LRRFIP2: variants seen among roughly 807,000 people sequenced by gnomAD.
LRRFIP2 encodes the protein LRR binding FLII interacting protein 2.
LRRFIP2 carries 109 observed loss-of-function variants against 125.9 expected under a neutral mutation model. The observed-to-expected ratio is 0.87, with a 90% CI of 0.74 to 1.01. The LOEUF (loss-of-function observed/expected upper bound fraction) is 1.01, where lower values mean the gene tolerates loss of function less well. LRRFIP2 is among the 50% of genes least tolerant of loss of function. LRRFIP2 has a pLI of 0.00. For synonymous variants in LRRFIP2, 291 were observed against 293.1 expected, an observed-to-expected ratio of 0.99 and a Z score of 0.07; for missense variants, 850 against 862.3, an observed-to-expected ratio of 0.99 and a Z score of 0.18.
intron 1 of LRRFIP2, among the ~76,000 whole-genome samples, chr3:37,162,968 C>T (rs761857934): frequency 5.9e-5 from 9 of 152,194 alleles, no homozygotes; most frequent in African/African-American, 1.9e-4. Flanking sequence ...AGAGCTAAAG[C>T]GTGATAAGCT....
chr3:37,093,642 G>A (rs192496374), intron 17 of LRRFIP2, among the ~76,000 whole-genome samples: 77 of 152,232 alleles, frequency 5.1e-4, no homozygotes, highest in African/African-American at 1.8e-3. Flanking sequence ...TCCTCTGACT[G>A]TGATCAAAGT....
At chr3:37,102,785 A>G (rs2094132226) in intron 15 of LRRFIP2, 139 bp downstream of exon 15, 4 of 585,942 alleles carry the variant, frequency 6.8e-6, no homozygotes, top group Non-Finnish European at 2.9e-6. Context: ...TACAAGTGTG[A>G]GCCACCATGC....
At chr3:37,087,055 T>C (rs2093102308) in intron 18 of LRRFIP2, among the ~76,000 whole-genome samples, 1 of 152,066 alleles carries the variant, frequency 6.6e-6, no homozygotes. Context: ...GGTTTCACCA[T>C]GTTGCCCGGG....
intron 8 of LRRFIP2, 42 bp from the exon 9 acceptor site, chr3:37,111,107 G>T: frequency 1.3e-6 from 2 of 1,526,024 alleles, no homozygotes; most frequent in Non-Finnish European, 1.8e-6. Context: ...TAGGCTAAAT[G>T]TTAATAACCT....
At chr3:37,089,487 C>G (rs1205209183) in intron 18 of LRRFIP2, among the ~76,000 whole-genome samples, 1 of 152,158 alleles carries the variant, frequency 6.6e-6, no homozygotes, top group East Asian at 1.9e-4. Flanking sequence ...ATCATACCAC[C>G]ATGCTTGGTC....
At position 37,157,727 on chromosome 3, in the gene LRRFIP2, A is replaced by T. The variant is rs578063720; in HGVS notation, c.-55-8689T>A. 1.3e-5 allele frequency among the ~76,000 whole-genome samples: 2 copies of T among 152,320 alleles called. 1 individual carries two copies. Among genetic ancestry groups the T allele is most frequent in the South Asian group, 4.1e-4 (2 of 4,834 alleles). On this transcript the variant is annotated intron_variant, in intron 1 of 27. Transcript: ENST00000336686. ...AGTACAAAATGAAAAAAATATATACAGGCAAAACTGGAGAACTTGGCAAAA... is the reference window on the plus strand; with the variant it reads ...AGTACAAAATGAAAAAAATATATACTGGCAAAACTGGAGAACTTGGCAAAA...
In LRRFIP2 at chr3:37,114,771, A is replaced by G. The variant is rs182775786; in HGVS notation, c.372+283T>C. ...ACCACTGCACTCCAGCCTGGTTGAC[A>G]GAGAGGGACCCCATCTTTAAAATTA... On this transcript the variant is annotated intron_variant, in intron 7 of 27. Coordinates refer to ENST00000336686, the MANE Select transcript of LRRFIP2 (RefSeq NM_006309.4). Among the ~76,000 whole-genome samples the G allele has an allele frequency of 5.2e-4, 79 of 151,996 alleles. 1 individual carries two copies. The East Asian group carries it at 0.015, about 28-fold the overall frequency.
chr3:37,112,005 T>C (rs905845745), intron 8 of LRRFIP2: 1 of 152,300 alleles, frequency 6.6e-6, no homozygotes, highest in Admixed American at 6.5e-5. Context: ...CCAGTACTGT[T>C]GCAGCCTAAC....
chr3:37,137,166 C>A (rs1386335081), intron 2 of LRRFIP2, among the ~76,000 whole-genome samples: 2 of 152,164 alleles, frequency 1.3e-5, no homozygotes, highest in African/African-American at 4.8e-5. Flanking sequence ...TTTGTAGAGA[C>A]AAGGTTTCAC....
intron 23 of LRRFIP2, chr3:37,064,972 T>C (rs1047582210): frequency 3.3e-5 from 5 of 152,486 alleles, no homozygotes; most frequent in African/African-American, 1.2e-4. Flanking sequence ...TGCCCTACAA[T>C]CACATTTCTG....
chr3:37,159,439 T>A (rs908773054), intron 1 of LRRFIP2, among the ~76,000 whole-genome samples: 1 of 152,220 alleles, frequency 6.6e-6, no homozygotes, highest in Non-Finnish European at 1.5e-5. Flanking sequence ...AAATTTTTTG[T>A]TCTTTAACAC....
intron 26 of LRRFIP2, 39 bp downstream of exon 26, chr3:37,055,047 G>T: frequency 7.4e-7 from 1 of 1,343,844 alleles, no homozygotes; most frequent in Non-Finnish European, 1.1e-6. Context: ...GATGCAGGAA[G>T]GACATTTAAA....
chr3:37,076,813 C>T (rs1381716794), intron 19 of LRRFIP2, among the ~76,000 whole-genome samples: 1 of 152,012 alleles, frequency 6.6e-6, no homozygotes, highest in African/African-American at 2.4e-5. Context: ...TTGTGGTGAG[C>T]CGAGATTGCG....
At chr3:37,058,276 A>G (rs77975158) in intron 25 of LRRFIP2, among the ~76,000 whole-genome samples, 4 of 152,340 alleles carry the variant, frequency 2.6e-5, no homozygotes, top group Non-Finnish European at 4.4e-5. Context: ...CCCCTGAAGC[A>G]CACAGGCTAG....
At chr3:37,100,387 CATACATACATGTGTATGTATATATACAT>C (rs1224319221) in intron 15 of LRRFIP2, among the ~76,000 whole-genome samples, 12 of 151,400 alleles carry the variant, frequency 7.9e-5, no homozygotes, top group African/African-American at 2.9e-4. Flanking sequence ...TGTATACATA[CATACATACATGTGTATGTATATATACAT>C]ATACATACAT....
At chr3:37,107,181 G>T (rs140772653) in intron 13 of LRRFIP2, among the ~76,000 whole-genome samples, 1 of 152,086 alleles carries the variant, frequency 6.6e-6, no homozygotes, top group Non-Finnish European at 1.5e-5. Context: ...GATTACAGGC[G>T]TGAGCCACCA....
chr3:37,079,069 T>C (rs561351731), intron 19 of LRRFIP2, among the ~76,000 whole-genome samples: 4 of 152,338 alleles, frequency 2.6e-5, no homozygotes, highest in East Asian at 1.9e-4. Context: ...AAAATTCTTA[T>C]ATCTAGAATA....
rs1226677260 is a variant in LRRFIP2, at chr3:37,132,136, G to A, written c.91-2987C>T. 2.1e-5 allele frequency among the ~76,000 whole-genome samples: 3 copies of A among 145,004 alleles called. No individual in the cohort carries two copies. The East Asian group carries it at 6.0e-4, about 29-fold the overall frequency. ...GAGTAGACACTAGTTTCTTATTAGA[G>A]TTTTTTTTTTTTAATAGGAAACACT... On this transcript the variant is annotated intron_variant, in intron 2 of 27. Transcript: ENST00000336686.
At chr3:37,067,556 G>T (rs1163305113) in intron 21 of LRRFIP2, 1 of 152,198 alleles carries the variant, frequency 6.6e-6, no homozygotes, top group Non-Finnish European at 1.5e-5. Context: ...GCGAATTGCT[G>T]AGAAATTGAT....
Sources: allele counts gnomAD v4.1 joint callset (sites outside exome capture counted in the v4.1 genomes callset), GRCh38; gene constraint gnomAD v4.1.1; transcripts MANE v1.5; gene names NCBI Gene and HGNC (gene_info 2026-07-23, HGNC 2026-07-21).